The following GNG8 variants were observed in gnomAD, a reference collection of about 807,000 sequenced individuals.
GNG8 encodes G protein subunit gamma 8, also known as guanine nucleotide-binding protein G(I)/G(S)/G(O) subunit gamma-8.
GNG8 carries 3 observed loss-of-function variants against 4.6 expected under a neutral mutation model. The ratio of observed to expected loss-of-function variants is 0.65; its 90% CI spans 0.29 to 1.67. The LOEUF is 1.67. GNG8 is among the 40% of genes most tolerant of loss of function. The pLI is 0.10. For missense variants in GNG8, 88 were observed against 95.2 expected (o/e 0.92, Z 0.32); for synonymous variants, 32 against 40.5 (o/e 0.79, Z 0.80).
chr19:46,634,105 C>G lies in GNG8; in HGVS notation c.184G>C (p.Asp62His). 6.2e-7 allele frequency: 1 copy of G among 1,613,862 alleles called. No homozygotes were observed. Among genetic ancestry groups the G allele is most frequent in the Non-Finnish European group, 8.5e-7 (1 of 1,179,936 alleles). The stretch of plus-strand genomic sequence containing the variant: ...AGCAGAACACAAAAGAGGCGCTTGT[C>G]GCGGAAGGGGTTCTCCGCGGCGGGT... Reference protein sequence around the residue: ...PVPAAENPFRDKRLFCVLL With the variant: ...PVPAAENPFRHKRLFCVLL The change falls in exon 3 of 3, where the codon GAC becomes CAC. Residue 62 changes from aspartate (D) to histidine (H), a missense_variant. Transcript: ENST00000693335.
chr19:46,634,440 C>T (rs2052850185), intron 2 of GNG8, among the ~76,000 whole-genome samples, 159 bp downstream of exon 2: 1 of 146,994 alleles, frequency 6.8e-6, no homozygotes, highest in Admixed American at 6.7e-5. Flanking sequence ...CTGTTCTGCC[C>T]CTCCCCTCGT....
At chr19:46,637,503 C>G (rs960604952), upstream of GNG8, 1 of 152,514 alleles carries the variant, frequency 6.6e-6, no homozygotes, top group Non-Finnish European at 1.5e-5. Flanking sequence ...TTCCGAGTGC[C>G]CTGCACAGCC....
At chr19:46,634,782 C>A (rs1349301371) in intron 1 of GNG8, 57 bp from the exon 2 acceptor site, 21 of 918,236 alleles carry the variant, frequency 2.3e-5, no homozygotes, top group Non-Finnish European at 3.6e-5. Context: ...GAGGGCGGGC[C>A]CCGGTAACAG....
chr19:46,636,420 AAC>A (rs1187163008), upstream of GNG8, among the ~76,000 whole-genome samples: 3 of 152,064 alleles, frequency 2.0e-5, no homozygotes, highest in East Asian at 1.9e-4. Flanking sequence ...CTCACTAGAA[AAC>A]ACAGTCTCTC....
At chr19:46,636,503 C>G (rs2052870187), upstream of GNG8, among the ~76,000 whole-genome samples, 6 of 152,208 alleles carry the variant, frequency 3.9e-5, no homozygotes, top group Admixed American at 3.3e-4. Flanking sequence ...TCCCACAGAG[C>G]CGCTCACTCA....
In GNG8 at chr19:46,634,678, G is replaced by A. The variant is rs746081207; in HGVS notation, c.5C>T (p.Ser2Phe). Residue 2 changes from serine to phenylalanine, a missense_variant, in exon 2 of 3, where the codon TCC becomes TTC. Coordinates refer to ENST00000693335, the MANE Select transcript of GNG8 (RefSeq NM_033258.2). ...CTCGGCAATCTTGGCCATGTTGTTG[G>A]ACATGGTTGCGGCGGGGAAGGGGTT... MSNNMAKIAEAR... is the reference protein window; with the variant it reads MFNNMAKIAEAR... The A allele has an allele frequency of 1.2e-6, 2 of 1,612,948 alleles. No individual in the cohort carries two copies. Among genetic ancestry groups the A allele is most frequent in the East Asian group, 4.5e-5 (2 of 44,854 alleles).
At chr19:46,636,409 A>T (rs532676259), upstream of GNG8, among the ~76,000 whole-genome samples, 1 of 150,528 alleles carries the variant, frequency 6.6e-6, no homozygotes, top group Non-Finnish European at 1.5e-5. Flanking sequence ...CCTCTCTCAC[A>T]CTCACTAGAA....
chr19:46,634,781 C>T (rs572747540), intron 1 of GNG8, 56 bp from the exon 2 acceptor site: 3 of 927,114 alleles, frequency 3.2e-6, no homozygotes, highest in East Asian at 2.6e-5. Flanking sequence ...AGAGGGCGGG[C>T]CCCGGTAACA....
chr19:46,634,774 G>T, intron 1 of GNG8, 49 bp from the exon 2 acceptor site: 1 of 1,018,618 alleles, frequency 9.8e-7, no homozygotes, highest in Non-Finnish European at 1.5e-6. Flanking sequence ...GGGGGCGAGA[G>T]GGCGGGCCCC....
chr19:46,634,722 G>A lies in GNG8; in HGVS notation c.-40C>T, dbSNP rs1341301762. ...AGGGGTTAAAAGACGCGCGGGAGTG[G>A]GGGCTGTGGGGGTAGGTTAGGATAC... On this transcript the variant is annotated 5_prime_UTR_variant, in exon 2 of 3. Transcript: ENST00000693335. The A allele has an allele frequency of 1.3e-6, 2 of 1,534,196 alleles. No individual in the cohort carries two copies. The highest frequency in any genetic ancestry group is 3.4e-4 in the Middle Eastern group (2 of 5,882).
chr19:46,636,290 G>A (rs550843612), upstream of GNG8, among the ~76,000 whole-genome samples: 3 of 116,910 alleles, frequency 2.6e-5, no homozygotes, highest in Admixed American at 9.0e-5. Flanking sequence ...CCGCCGCCCC[G>A]CCACCTTGGG....
upstream of GNG8, chr19:46,637,702 G>C (rs1261212637): frequency 6.6e-6 from 1 of 150,992 alleles, no homozygotes; most frequent in Middle Eastern, 3.4e-3. Context: ...TCCAACCTCA[G>C]CCTCCCAGTA....
chr19:46,638,248 A>C (rs1032743981), upstream of GNG8: 3 of 152,924 alleles, frequency 2.0e-5, no homozygotes, highest in African/African-American at 7.2e-5. The surrounding 1 kb of genome is among the most constrained non-coding windows in gnomAD (Gnocchi z 4.7). Context: ...ACAGTCACCC[A>C]CAATCTCTCA....
chr19:46,638,873 G>A (rs112966069), upstream of GNG8: 7 of 153,800 alleles, frequency 4.6e-5, 1 homozygote, highest in African/African-American at 1.4e-4. The surrounding 1 kb of genome is among the most constrained non-coding windows in gnomAD (Gnocchi z 4.7). Context: ...CGGAGGGAGA[G>A]GACAGAAGAT....
At chr19:46,638,776 G>A (rs2052884068), upstream of GNG8, 1 of 152,656 alleles carries the variant, frequency 6.6e-6, no homozygotes, top group Admixed American at 6.5e-5. This position sits in a 1 kb window ranked among gnomAD's most constrained non-coding sequence, Gnocchi z 4.7. Flanking sequence ...AGAGGCCGCA[G>A]GGAGGAGGTG....
chr19:46,634,618 A>G lies in GNG8; in HGVS notation c.65T>C (p.Val22Ala), dbSNP rs773144010. The part of the protein sequence containing the change: ...RKTVEQLKLE[V>A]NIDRMKVSQA... ...CAGCACCTTCATGCGGTCGATGTTC[A>G]CCTCCAGCTTCAGCTGTTCCACCGT... The change falls in exon 2 of 3, where the codon GTG (valine) becomes GCG (alanine). Residue 22 changes from valine to alanine, a missense_variant. Transcript: ENST00000693335. The G allele has an allele frequency of 6.2e-7, 1 of 1,611,556 alleles. No individual in the cohort carries two copies. The highest frequency in any genetic ancestry group is 1.3e-5 in the African/African-American group (1 of 74,270).
intron 1 of GNG8, 47 bp from the exon 2 acceptor site, chr19:46,634,772 G>GA (rs1166296150): frequency 9.7e-7 from 1 of 1,035,208 alleles, no homozygotes; most frequent in Non-Finnish European, 1.5e-6. Context: ...GTGGGGGCGA[G>GA]AGGGCGGGCC....
chr19:46,637,257 C>T (rs2052874853), upstream of GNG8: 1 of 152,264 alleles, frequency 6.6e-6, no homozygotes, highest in Admixed American at 6.5e-5. Context: ...CATGGAAGGT[C>T]ACATACATTC....
Position 46,634,656 on chromosome 19 carries a change from G to T in GNG8, c.27C>A (p.Ala9=), listed in dbSNP as rs2052852534. The change falls in exon 2 of 3, where the codon GCC becomes GCA. Residue 9 remains alanine, a synonymous_variant. Coordinates refer to ENST00000693335, the MANE Select transcript of GNG8 (RefSeq NM_033258.2). MSNNMAKI[A]EARKTVEQLK... ...GCTGTTCCACCGTCTTGCGGGCCTC[G>T]GCAATCTTGGCCATGTTGTTGGACA... 4.3e-6 allele frequency: 7 copies of T among 1,613,018 alleles called. No individual in the cohort carries two copies. Among genetic ancestry groups the T allele is most frequent in the Non-Finnish European group, 5.9e-6 (7 of 1,179,884 alleles).
Sources: gnomAD v4.1 joint callset for allele counts (sites outside exome capture counted in the v4.1 genomes callset) on GRCh38, gnomAD v4.1.1 for gene constraint, Gnocchi (gnomAD v3.1) non-coding constraint, MANE v1.5 for transcripts, NCBI Gene and HGNC (gene_info 2026-07-23, HGNC 2026-07-21) for gene names.